The following MTSS1 variants were observed in gnomAD, a reference collection of about 807,000 sequenced individuals.
MTSS1 encodes protein MTSS 1.
A neutral mutation model predicts 79.0 loss-of-function variants in MTSS1; 18 were observed. That is an observed-to-expected ratio of 0.23 (90% CI 0.16 to 0.34). The LOEUF is 0.34. MTSS1 is among the 10% of genes least tolerant of loss of function. The probability of loss-of-function intolerance (pLI) is 1.00; values close to 1 mark genes in which losing one functional copy is unlikely to be tolerated. For missense variants in MTSS1, 815 were observed against 986.2 expected, an observed-to-expected ratio of 0.83 and a Z score of 2.33; for synonymous variants, 341 against 368.6, an observed-to-expected ratio of 0.93 and a Z score of 0.86.
At chr8:124,615,700 T>C (rs939353762) in intron 3 of MTSS1, among the ~76,000 whole-genome samples, 1 of 152,226 alleles carries the variant, frequency 6.6e-6, no homozygotes, top group Non-Finnish European at 1.5e-5. Flanking sequence ...TGTTATATTA[T>C]GCACACTCCA....
intron 3 of MTSS1, 56 bp downstream of exon 3, chr8:124,699,470 G>A: frequency 1.3e-6 from 2 of 1,503,030 alleles, no homozygotes; most frequent in East Asian, 2.3e-5. Context: ...CACCCAAGGG[G>A]AAGAGTCCAC....
intron 3 of MTSS1, among the ~76,000 whole-genome samples, chr8:124,695,937 T>C (rs1828740970): frequency 6.6e-6 from 1 of 151,494 alleles, no homozygotes; most frequent in Admixed American, 6.6e-5. Context: ...CTAAACCCAA[T>C]TCCCGGGAGG....
chr8:124,669,532 G>A (rs1343970784), intron 3 of MTSS1, among the ~76,000 whole-genome samples: 3 of 152,220 alleles, frequency 2.0e-5, no homozygotes, highest in Admixed American at 6.5e-5. Flanking sequence ...GAGCTGGCTA[G>A]TGAATATATT....
chr8:124,574,711 C>G (rs1177197612), intron 6 of MTSS1, among the ~76,000 whole-genome samples: 1 of 152,188 alleles, frequency 6.6e-6, no homozygotes, highest in Non-Finnish European at 1.5e-5. Flanking sequence ...AAGGGCTCTC[C>G]AACGGGGAAG....
In MTSS1 at chr8:124,553,682, A is replaced by G. The variant is rs1822969633; in HGVS notation, c.1578T>C (p.Tyr526=). The G allele has an allele frequency of 1.2e-6, 2 of 1,608,850 alleles. No individual in the cohort carries two copies. Among genetic ancestry groups the G allele is most frequent in the African/African-American group, 1.3e-5 (1 of 74,872 alleles). The part of the protein sequence containing the change: ...EDTIPSQVSD[Y]DYFSVSGDQE... ...GGTCACCACTTACAGAGAAATAATC[A>G]TAATCTGAAACTGATTATAGGATTT... The change falls in exon 14 of 14, where the codon TAT becomes TAC. Residue 526 remains tyrosine, a synonymous_variant. Coordinates refer to ENST00000518547, the MANE Select transcript of MTSS1 (RefSeq NM_014751.6). The surrounding 1 kb of genome is among the most constrained non-coding windows in gnomAD (Gnocchi z 6.0).
At chr8:124,656,233 C>T (rs1820915232) in intron 3 of MTSS1, among the ~76,000 whole-genome samples, 2 of 152,140 alleles carry the variant, frequency 1.3e-5, no homozygotes, top group Non-Finnish European at 2.9e-5. Context: ...GAACTCAAAA[C>T]CAACTCTTTC....
intron 1 of MTSS1, among the ~76,000 whole-genome samples, chr8:124,708,436 G>A (rs1830693760): frequency 6.6e-6 from 1 of 152,136 alleles, no homozygotes; most frequent in Non-Finnish European, 1.5e-5. Context: ...CCCTTTTAGA[G>A]TACCTGGTGT....
At chr8:124,567,665 G>T in intron 7 of MTSS1, 1 of 1,410,674 alleles carries the variant, frequency 7.1e-7, no homozygotes. Flanking sequence ...TAAAAGACAA[G>T]TAAGACAGGA....
intron 1 of MTSS1, among the ~76,000 whole-genome samples, chr8:124,707,140 T>C: frequency 6.6e-6 from 1 of 152,086 alleles, no homozygotes; most frequent in Non-Finnish European, 1.5e-5. Context: ...CCACCATCTC[T>C]CGGCTACACA....
At chr8:124,616,858 T>C (rs1176521356) in intron 3 of MTSS1, among the ~76,000 whole-genome samples, 3 of 152,242 alleles carry the variant, frequency 2.0e-5, no homozygotes, top group Admixed American at 6.5e-5. Context: ...TGCTGAAATC[T>C]TGATTGCTTT....
rs572516852 is a variant in MTSS1 at position 124,659,257 on chromosome 8, AAAT to A, written c.208+40266_208+40268del. 2.6e-3 allele frequency among the ~76,000 whole-genome samples: 393 copies of A among 152,350 alleles called. 2 individuals carry two copies. Among genetic ancestry groups the A allele is most frequent in the African/African-American group, 8.0e-3 (333 of 41,580 alleles). On this transcript the variant is annotated intron_variant, in intron 3 of 13. Transcript: ENST00000518547. The stretch of plus-strand genomic sequence containing the variant: ...AAGAATGAGGGGACTTTAAATAATT[AAAT>A]AATAATAGCTAAATGGTATCAATTA...
At chr8:124,600,040 C>CAAA (rs1175089825) in intron 3 of MTSS1, among the ~76,000 whole-genome samples, 2 of 89,406 alleles carry the variant, frequency 2.2e-5, no homozygotes, top group African/African-American at 4.2e-5. Context: ...GGTTGTACTA[C>CAAA]AAAAAAAAAA....
chr8:124,621,120 C>G (rs1363334407), intron 3 of MTSS1, among the ~76,000 whole-genome samples: 1 of 152,186 alleles, frequency 6.6e-6, no homozygotes, highest in East Asian at 1.9e-4. Context: ...TTCCCCTTTC[C>G]TCCACCCAAA....
chr8:124,570,543 A>T (rs1827532700), intron 6 of MTSS1, among the ~76,000 whole-genome samples: 1 of 152,206 alleles, frequency 6.6e-6, no homozygotes, highest in Non-Finnish European at 1.5e-5. Context: ...TATGTATTAA[A>T]CTTTACCATA....
rs776700873 is a variant in MTSS1, at chr8:124,568,547, CAG to C, written c.461-13_461-12del. 1 of 1,614,180 alleles carries C rather than the reference CAG, an allele frequency of 6.2e-7. No homozygotes were observed. Among genetic ancestry groups the C allele is most frequent in the Admixed American group, 1.7e-5 (1 of 60,030 alleles). On this transcript the variant is annotated splice_polypyrimidine_tract_variant and intron_variant, in intron 6 of 13. Coordinates refer to ENST00000518547, the MANE Select transcript of MTSS1 (RefSeq NM_014751.6). ...GGATATCACCTCTCCCTGCAAAAAA[CAG>C]AGACCCAAGCACGGCTTGCTGAAAT...
At chr8:124,571,634 C>T (rs879218227) in intron 6 of MTSS1, among the ~76,000 whole-genome samples, 2 of 152,144 alleles carry the variant, frequency 1.3e-5, no homozygotes, top group Admixed American at 1.3e-4. Flanking sequence ...ACCAAACTTG[C>T]TCGGTGGGCT....
intron 3 of MTSS1, among the ~76,000 whole-genome samples, chr8:124,665,721 G>A (rs1333357010): frequency 6.6e-6 from 1 of 152,168 alleles, no homozygotes; most frequent in Admixed American, 6.5e-5. Context: ...TACAAAATTA[G>A]CCAGGCGTGG....
chr8:124,600,421 C>A (rs143179198), intron 3 of MTSS1, among the ~76,000 whole-genome samples: 3 of 152,214 alleles, frequency 2.0e-5, no homozygotes, highest in East Asian at 1.9e-4. Context: ...GCGCACACAG[C>A]GGATGCTGGT....
At chr8:124,702,591 C>T (rs1322508992) in intron 2 of MTSS1, among the ~76,000 whole-genome samples, 3 of 152,196 alleles carry the variant, frequency 2.0e-5, no homozygotes, top group Non-Finnish European at 2.9e-5. Flanking sequence ...CTATAGGGCA[C>T]CATGGACACT....
Sources: gnomAD v4.1 joint callset for allele counts (sites outside exome capture counted in the v4.1 genomes callset) on GRCh38, gnomAD v4.1.1 for gene constraint, Gnocchi (gnomAD v3.1) non-coding constraint, MANE v1.5 for transcripts, NCBI Gene and HGNC (gene_info 2026-07-23, HGNC 2026-07-21) for gene names.